Variants in F11R observed in about 807,000 individuals in gnomAD.
F11R encodes junctional adhesion molecule A.
In F11R, 27 loss-of-function variants were observed where a neutral mutation model predicts 39.3. That is an observed-to-expected ratio of 0.69 (90% CI 0.51 to 0.95). The LOEUF is 0.95. Among genes scored for constraint, F11R ranks in the 40% least tolerant of loss-of-function variants. F11R has a pLI of 0.00. For synonymous variants in F11R, 131 were observed against 144.9 expected (o/e 0.90, Z 0.69); for missense variants, 335 against 372.7 (o/e 0.90, Z 0.83).
chr1:161,012,191 C>T (rs1649198407), intron 1 of F11R, among the ~76,000 whole-genome samples: 1 of 152,182 alleles, frequency 6.6e-6, no homozygotes, highest in African/African-American at 2.4e-5. Flanking sequence ...TAACAGAACC[C>T]ACCAACAACC....
chr1:161,010,126 T>C (rs1294114598), intron 1 of F11R, among the ~76,000 whole-genome samples: 1 of 151,626 alleles, frequency 6.6e-6, no homozygotes, highest in Non-Finnish European at 1.5e-5. Flanking sequence ...CATTTCATTT[T>C]ACAGATGAAA....
At chr1:161,005,292 TCC>T (rs1648738822) in intron 1 of F11R, among the ~76,000 whole-genome samples, 1 of 151,348 alleles carries the variant, frequency 6.6e-6, no homozygotes, top group Admixed American at 6.6e-5. Context: ...CCTTCCTCCT[TCC>T]CCTCCCTCCC....
intron 1 of F11R, among the ~76,000 whole-genome samples, chr1:161,004,046 G>A (rs981457543): frequency 2.0e-4 from 31 of 152,132 alleles, no homozygotes; most frequent in African/African-American, 7.5e-4. Flanking sequence ...TTACAAGCGT[G>A]AGCCACCGCG....
chr1:161,010,999 C>T (rs1034422126), intron 1 of F11R, among the ~76,000 whole-genome samples: 2 of 130,170 alleles, frequency 1.5e-5, no homozygotes, highest in African/African-American at 2.7e-5. Context: ...AAAAAAAATT[C>T]ATGTACAAGA....
chr1:161,004,644 G>A (rs1386731464), intron 1 of F11R, among the ~76,000 whole-genome samples: 1 of 152,094 alleles, frequency 6.6e-6, no homozygotes, highest in East Asian at 1.9e-4. Flanking sequence ...AAGAGTGGGA[G>A]GTTACAGTGA....
intron 1 of F11R, among the ~76,000 whole-genome samples, chr1:161,008,662 C>A (rs1419978033): frequency 6.6e-6 from 1 of 152,168 alleles, no homozygotes; most frequent in Non-Finnish European, 1.5e-5. Context: ...ATCGTTATCA[C>A]CCATATTTAC....
intron 3 of F11R, 71 bp downstream of exon 3, chr1:161,000,949 T>C: frequency 6.6e-7 from 1 of 1,518,142 alleles, no homozygotes. Context: ...GCACAAAGTC[T>C]GGATCGTAGA....
In F11R at chr1:160,998,478, C is replaced by G; in HGVS notation, c.*393G>C. 1 of 339,532 alleles carries G rather than the reference C, an allele frequency of 2.9e-6. No individual in the cohort carries two copies. The highest frequency in any genetic ancestry group is 5.5e-6 in the Non-Finnish European group (1 of 183,472). 21.0% of individuals were successfully genotyped at this position (339,532 alleles called of 1,614,324 possible). A position where few individuals can be genotyped will look rare whatever the true frequency, so the allele number is the denominator to read the frequency against. Reference sequence around the variant, plus strand: ...TGGTCGTCAGTACACAAGGAAAGAGCCCAGAACCAAGCTCAAGATACCTAT... The same window carrying G: ...TGGTCGTCAGTACACAAGGAAAGAGGCCAGAACCAAGCTCAAGATACCTAT... On this transcript the variant is annotated 3_prime_UTR_variant, in exon 10 of 10. Transcript: ENST00000368026.
chr1:161,010,458 C>G (rs867416414), intron 1 of F11R, among the ~76,000 whole-genome samples: 1 of 41,784 alleles, frequency 2.4e-5, no homozygotes, highest in Non-Finnish European at 4.8e-5. Flanking sequence ...AAAAAAAAAA[C>G]AGTTGATCCA....
chr1:161,010,949 G>A (rs1649118376), intron 1 of F11R, among the ~76,000 whole-genome samples: 1 of 141,248 alleles, frequency 7.1e-6, no homozygotes, highest in African/African-American at 2.7e-5. Context: ...ACTCCAGTCT[G>A]GGCGATAGAG....
chr1:161,000,939 G>T, intron 3 of F11R, 81 bp downstream of exon 3: 1 of 1,497,744 alleles, frequency 6.7e-7, no homozygotes, highest in South Asian at 1.1e-5. Context: ...TGGGATAAGG[G>T]CACAAAGTCT....
At chr1:161,017,538 C>T (rs1029722822) in intron 1 of F11R, among the ~76,000 whole-genome samples, 7 of 152,140 alleles carry the variant, frequency 4.6e-5, no homozygotes, top group Non-Finnish European at 7.3e-5. Context: ...GATGCAAAGA[C>T]CTTTGTTCAC....
chr1:161,007,006 A>AAT (rs567051584), intron 1 of F11R, among the ~76,000 whole-genome samples: 4 of 152,158 alleles, frequency 2.6e-5, no homozygotes, highest in South Asian at 4.1e-4. Context: ...TCTACTAAAA[A>AAT]ATATATATAT....
In F11R at chr1:160,998,458, G is replaced by A. The variant is rs953311412; in HGVS notation, c.*413C>T. 30 of 265,300 alleles carry A rather than the reference G, an allele frequency of 1.1e-4. No individual in the cohort carries two copies. Among genetic ancestry groups the A allele is most frequent in the Non-Finnish European group, 1.9e-4 (27 of 138,778 alleles). The allele number at this position is 265,300 out of a possible 1,614,324, so 16.4% of individuals were successfully genotyped here. A position where few individuals can be genotyped will look rare whatever the true frequency, so the allele number is the denominator to read the frequency against. On this transcript the variant is annotated 3_prime_UTR_variant, in exon 10 of 10. Transcript: ENST00000368026. ...CGCTCTAGAACAGCTGGCCCTGGTC[G>A]TCAGTACACAAGGAAAGAGCCCAGA...
At chr1:161,004,340 A>G (rs749681809) in intron 1 of F11R, among the ~76,000 whole-genome samples, 12 of 152,108 alleles carry the variant, frequency 7.9e-5, no homozygotes, top group Non-Finnish European at 1.3e-4. Context: ...AGGGCAGATC[A>G]CTTGAGGTCA....
At chr1:160,999,116 A>G (rs762359389) in intron 8 of F11R, 25 bp from the exon 9 acceptor site, 263 of 1,613,996 alleles carry the variant, frequency 1.6e-4, no homozygotes, top group Non-Finnish European at 2.2e-4. Context: ...GAAGACAGAG[A>G]CACTCAGCCA....
At chr1:161,011,467 C>T (rs573771688) in intron 1 of F11R, among the ~76,000 whole-genome samples, 1 of 152,178 alleles carries the variant, frequency 6.6e-6, no homozygotes, top group African/African-American at 2.4e-5. Context: ...TTGGGCCAGG[C>T]GCGGTGGCTC....
At chr1:161,004,238 G>A (rs538822471) in intron 1 of F11R, among the ~76,000 whole-genome samples, 18 of 151,914 alleles carry the variant, frequency 1.2e-4, no homozygotes, top group Admixed American at 3.3e-4. Flanking sequence ...GAACCATCAC[G>A]CCTGGCCATA....
At chr1:161,018,738 T>C (rs1649592247) in intron 1 of F11R, among the ~76,000 whole-genome samples, 1 of 151,956 alleles carries the variant, frequency 6.6e-6, no homozygotes, top group African/African-American at 2.4e-5. Flanking sequence ...ACCAAATCAC[T>C]CCCCTCCCCC....
Sources: allele counts gnomAD v4.1 joint callset (sites outside exome capture counted in the v4.1 genomes callset), GRCh38; gene constraint gnomAD v4.1.1; transcripts MANE v1.5; gene names NCBI Gene and HGNC (gene_info 2026-07-23, HGNC 2026-07-21).